The following PPARGC1A variants were observed in gnomAD, a reference collection of about 807,000 sequenced individuals.
The protein encoded by PPARGC1A is PPARG coactivator 1 alpha, also known as peroxisome proliferator-activated receptor gamma coactivator 1-alpha.
PPARGC1A carries 25 observed loss-of-function variants against 88.7 expected under a neutral mutation model. The ratio of observed to expected loss-of-function variants is 0.28; its 90% CI spans 0.21 to 0.39. The LOEUF (loss-of-function observed/expected upper bound fraction) is 0.39. Among genes scored for constraint, PPARGC1A ranks in the 10% least tolerant of loss-of-function variants. The probability of loss-of-function intolerance (pLI) is 1.00; values close to 1 mark genes in which losing one functional copy is unlikely to be tolerated. For missense variants in PPARGC1A, 880 were observed against 968.7 expected (o/e 0.91, Z 1.22); for synonymous variants, 363 against 355.6 (o/e 1.02, Z -0.24).
the PPARGC1A span, among the ~76,000 whole-genome samples, chr4:24,471,672 G>A: frequency 6.6e-6 from 1 of 152,024 alleles, no homozygotes; most frequent in Non-Finnish European, 1.5e-5. The surrounding 1 kb of genome is among the most constrained non-coding windows in gnomAD (Gnocchi z 5.4). Flanking sequence ...GAGTCACACC[G>A]ACACGCACAC....
the PPARGC1A span, among the ~76,000 whole-genome samples, chr4:24,129,411 T>G: frequency 1.3e-5 from 2 of 152,232 alleles, no homozygotes; most frequent in Non-Finnish European, 2.9e-5. Flanking sequence ...AGCAAATGGC[T>G]CATTATTCTA....
At chr4:24,361,868 G>A in the PPARGC1A span, among the ~76,000 whole-genome samples, 1 of 152,164 alleles carries the variant, frequency 6.6e-6, no homozygotes, top group Non-Finnish European at 1.5e-5. Flanking sequence ...GAGGCTCCAG[G>A]CAGGAGAAAC....
At chr4:23,894,879 C>A (rs1259971607), upstream of PPARGC1A, among the ~76,000 whole-genome samples, 4 of 152,118 alleles carry the variant, frequency 2.6e-5, no homozygotes. Context: ...TCCACATTTT[C>A]ATTTACCTTA....
intron 1 of PPARGC1A, chr4:23,889,444 AGAG>A: frequency 1.1e-6 from 1 of 896,552 alleles, no homozygotes; most frequent in African/African-American, 1.8e-5. Context: ...GAACAGAGAG[AGAG>A]GGGGGAAAAA....
the PPARGC1A span, among the ~76,000 whole-genome samples, chr4:24,348,983 C>T: frequency 6.6e-6 from 1 of 152,166 alleles, no homozygotes; most frequent in Non-Finnish European, 1.5e-5. Context: ...TCTTTTGTCC[C>T]ACAAGGTGTT....
At chr4:23,906,334 C>T (rs540428982), upstream of PPARGC1A, among the ~76,000 whole-genome samples, 12 of 151,652 alleles carry the variant, frequency 7.9e-5, no homozygotes, top group South Asian at 1.5e-3. Flanking sequence ...GTTTTCCAGC[C>T]GGGCGCGGTG....
the PPARGC1A span, among the ~76,000 whole-genome samples, chr4:23,986,296 A>G: frequency 0.012 from 1,787 of 152,236 alleles, 18 homozygotes; most frequent in Middle Eastern, 0.068. Context: ...GGGAAAATAG[A>G]AAGATTTCAC....
chr4:23,950,851 T>C, the PPARGC1A span, among the ~76,000 whole-genome samples: 3 of 152,178 alleles, frequency 2.0e-5, no homozygotes, highest in Admixed American at 6.5e-5. Context: ...AGACACTTAC[T>C]GGTCTAATTT....
the PPARGC1A span, among the ~76,000 whole-genome samples, chr4:23,936,846 G>A: frequency 6.6e-6 from 1 of 152,068 alleles, no homozygotes. Context: ...CTCCAGCCTT[G>A]GTGACAGAGT....
At chr4:23,972,954 G>A in the PPARGC1A span, among the ~76,000 whole-genome samples, 2 of 152,166 alleles carry the variant, frequency 1.3e-5, no homozygotes, top group Non-Finnish European at 2.9e-5. Flanking sequence ...AGTGATGTTA[G>A]TTTGAGAATC....
At chr4:23,981,892 T>C in the PPARGC1A span, among the ~76,000 whole-genome samples, 50 of 151,956 alleles carry the variant, frequency 3.3e-4, no homozygotes, top group Admixed American at 5.9e-4. Flanking sequence ...AAGAGAAAGC[T>C]CAGGAATTAC....
the PPARGC1A span, among the ~76,000 whole-genome samples, chr4:24,439,096 C>A: frequency 9.9e-5 from 15 of 152,022 alleles, no homozygotes; most frequent in South Asian, 4.2e-4. Context: ...AGCTTTGCGA[C>A]CCCCTGGGTA....
chr4:24,144,534 AG>A, the PPARGC1A span, among the ~76,000 whole-genome samples: 1 of 151,948 alleles, frequency 6.6e-6, no homozygotes, highest in Non-Finnish European at 1.5e-5. Flanking sequence ...ATTTACAGCC[AG>A]GACCCTTTGC....
chr4:24,167,223 G>A, the PPARGC1A span, among the ~76,000 whole-genome samples: 1 of 152,146 alleles, frequency 6.6e-6, no homozygotes, highest in African/African-American at 2.4e-5. Flanking sequence ...CCATAGATGT[G>A]GTAGAAATAG....
At chr4:24,447,175 C>A in the PPARGC1A span, among the ~76,000 whole-genome samples, 1 of 152,162 alleles carries the variant, frequency 6.6e-6, no homozygotes, top group Non-Finnish European at 1.5e-5. Context: ...CCCTCCCCTG[C>A]CAAGTGATCC....
chr4:24,263,456 T>TACACACACACAC, the PPARGC1A span, among the ~76,000 whole-genome samples: 177 of 150,188 alleles, frequency 1.2e-3, 1 homozygote, highest in African/African-American at 4.1e-3. Context: ...TGTGGGTGTA[T>TACACACACACAC]ACACACACAC....
At chr4:23,844,328 T>A (rs1223277455) in intron 2 of PPARGC1A, among the ~76,000 whole-genome samples, 1 of 78,634 alleles carries the variant, frequency 1.3e-5, no homozygotes. Context: ...AGAATAATCA[T>A]AAACTATATT....
the PPARGC1A span, among the ~76,000 whole-genome samples, chr4:24,204,277 A>T: frequency 6.6e-6 from 1 of 152,284 alleles, no homozygotes; most frequent in Non-Finnish European, 1.5e-5. Context: ...GAAATATTCC[A>T]CATGGAGTAT....
chr4:24,170,034 C>T, the PPARGC1A span, among the ~76,000 whole-genome samples: 4 of 152,162 alleles, frequency 2.6e-5, no homozygotes, highest in Non-Finnish European at 4.4e-5. Context: ...ATAACACTTT[C>T]CACAATAGGT....
Sources: gnomAD v4.1 joint callset for allele counts (sites outside exome capture counted in the v4.1 genomes callset) on GRCh38, gnomAD v4.1.1 for gene constraint, Gnocchi (gnomAD v3.1) non-coding constraint, MANE v1.5 for transcripts, NCBI Gene and HGNC (gene_info 2026-07-23, HGNC 2026-07-21) for gene names.